FGF7: variants seen among roughly 807,000 people sequenced by gnomAD.
The protein encoded by FGF7 is FGF-7.
In FGF7, 6 loss-of-function variants were observed where a neutral mutation model predicts 20.5. The observed-to-expected ratio is 0.29, with a 90% CI of 0.16 to 0.58. The LOEUF (loss-of-function observed/expected upper bound fraction) is 0.58. FGF7 is among the 20% of genes least tolerant of loss of function. The pLI is 0.90. For missense variants in FGF7, 144 were observed against 228.8 expected (o/e 0.63, Z 2.39); for synonymous variants, 64 against 74.7 (o/e 0.86, Z 0.74).
intron 2 of FGF7, among the ~76,000 whole-genome samples, chr15:49,460,981 T>C (rs1475040432): frequency 2.6e-5 from 4 of 152,224 alleles, no homozygotes; most frequent in African/African-American, 4.8e-5. Flanking sequence ...GGCATCCATG[T>C]AGACCATAAA....
intron 2 of FGF7, among the ~76,000 whole-genome samples, chr15:49,448,521 T>C (rs1403659608): frequency 3.3e-5 from 5 of 151,616 alleles, no homozygotes; most frequent in Non-Finnish European, 7.4e-5. Context: ...ACTCCTAACA[T>C]AAGTTAATCA....
At chr15:49,453,933 C>A (rs542929509) in intron 2 of FGF7, among the ~76,000 whole-genome samples, 1 of 152,260 alleles carries the variant, frequency 6.6e-6, no homozygotes, top group East Asian at 1.9e-4. Flanking sequence ...TTCTAGCTCC[C>A]ATTTTTAATC....
intron 2 of FGF7, among the ~76,000 whole-genome samples, chr15:49,443,627 A>G (rs2051890043): frequency 6.6e-6 from 1 of 151,786 alleles, no homozygotes; most frequent in Non-Finnish European, 1.5e-5. Flanking sequence ...CTAATTCAGC[A>G]AAGAAGTCAC....
rs1010344543 is a variant in FGF7, at chr15:49,424,051, G to A, written c.-247G>A. 1 of 380,698 alleles carries A rather than the reference G, an allele frequency of 2.6e-6. No homozygotes were observed. The highest frequency in any genetic ancestry group is 7.4e-5 in the South Asian group (1 of 13,574). The allele number at this position is 380,698 out of a possible 1,614,324, so 23.6% of individuals were successfully genotyped here. A position where few individuals can be genotyped will look rare whatever the true frequency, so the allele number is the denominator to read the frequency against. On this transcript the variant is annotated 5_prime_UTR_variant, in exon 2 of 4. Transcript: ENST00000267843. Reference sequence around the variant, plus strand: ...AAACAGAAGTCAAATAGCAAACAGCGTCACAGCAACTGAACTTACTACGAA... The same window carrying A: ...AAACAGAAGTCAAATAGCAAACAGCATCACAGCAACTGAACTTACTACGAA...
chr15:49,483,020 G>C (rs544715369), intron 2 of FGF7, 131 bp from the exon 3 acceptor site: 4 of 678,490 alleles, frequency 5.9e-6, no homozygotes, highest in Admixed American at 4.1e-5. Flanking sequence ...AGGGGTCTTG[G>C]GCTGAGTAAA....
chr15:49,469,014 A>G (rs2054505602), intron 2 of FGF7, among the ~76,000 whole-genome samples: 1 of 152,198 alleles, frequency 6.6e-6, no homozygotes, highest in Non-Finnish European at 1.5e-5. Context: ...AAATACAGCT[A>G]CATGTTTTAT....
chr15:49,428,073 G>A (rs926760336), intron 2 of FGF7, among the ~76,000 whole-genome samples: 5 of 151,892 alleles, frequency 3.3e-5, no homozygotes. Context: ...TGTATTAGTA[G>A]ACATATAAAT....
intron 2 of FGF7, among the ~76,000 whole-genome samples, chr15:49,458,872 T>C (rs1325712143): frequency 6.6e-6 from 1 of 152,182 alleles, no homozygotes; most frequent in Admixed American, 6.6e-5. Context: ...CTATTTTTTC[T>C]AGACTGACCA....
rs1283786898 is a variant in FGF7, at chr15:49,424,276, AC to A, written c.-21del. 1 of 1,594,150 alleles carries A rather than the reference AC, an allele frequency of 6.3e-7. No homozygotes were observed. The highest frequency in any genetic ancestry group is 1.7e-4 in the Middle Eastern group (1 of 5,968). ...TTCATTTTCATTATGTTATTCATGAACACCCGGAGCACTACACTATAATGCA... is the reference window on the plus strand; with the variant it reads ...TTCATTTTCATTATGTTATTCATGAAACCCGGAGCACTACACTATAATGCA... On this transcript the variant is annotated 5_prime_UTR_variant, in exon 2 of 4. Transcript: ENST00000267843.
intron 2 of FGF7, among the ~76,000 whole-genome samples, chr15:49,461,932 G>GGCCGAAGCAGGCAGATTACTT (rs1158695778): frequency 2.0e-5 from 3 of 152,178 alleles, no homozygotes; most frequent in African/African-American, 7.2e-5. Flanking sequence ...CACTTTGGGA[G>GGCCGAAGCAGGCAGATTACTT]GCCGAAGCAG....
chr15:49,485,983 C>T lies in FGF7; in HGVS notation c.*1479C>T, dbSNP rs1174237360. ...TAAGGGGCCCTGAATGTCATGAAGGCTTGAGGTCAGCCTACAGATAACAGG... is the reference window on the plus strand; with the variant it reads ...TAAGGGGCCCTGAATGTCATGAAGGTTTGAGGTCAGCCTACAGATAACAGG... On this transcript the variant is annotated 3_prime_UTR_variant, in exon 4 of 4. Coordinates refer to ENST00000267843, the MANE Select transcript of FGF7 (RefSeq NM_002009.4). 6.6e-6 allele frequency: 1 copy of T among 151,932 alleles called. No homozygotes were observed. The highest frequency in any genetic ancestry group is 1.5e-5 in the Non-Finnish European group (1 of 67,932). The allele number at this position is 151,932 out of a possible 1,614,324, so 9.4% of individuals were successfully genotyped here.
At chr15:49,424,687 T>A (rs2049976028) in intron 2 of FGF7, 104 bp downstream of exon 2, 9 of 883,242 alleles carry the variant, frequency 1.0e-5, no homozygotes, top group Non-Finnish European at 1.3e-5. Flanking sequence ...GGAAAAAAAA[T>A]TAAATAAAAT....
At chr15:49,483,295 A>G (rs748847406) in intron 3 of FGF7, 41 bp downstream of exon 3, 2 of 1,016,798 alleles carry the variant, frequency 2.0e-6, no homozygotes, top group Admixed American at 1.8e-5. Flanking sequence ...TTTAAAACTC[A>G]TTTTTGTCAA....
At chr15:49,432,498 C>A (rs1290369012) in intron 2 of FGF7, among the ~76,000 whole-genome samples, 3 of 151,666 alleles carry the variant, frequency 2.0e-5, no homozygotes, top group Admixed American at 6.6e-5. Context: ...TAACACTCCT[C>A]CTCTCCCTCA....
intron 2 of FGF7, among the ~76,000 whole-genome samples, chr15:49,456,245 C>T (rs1018162071): frequency 3.3e-5 from 5 of 151,932 alleles, no homozygotes; most frequent in East Asian, 1.9e-4. Context: ...TGAATTATTA[C>T]CCCAGTTCCC....
At chr15:49,444,707 CG>C (rs1044106750) in intron 2 of FGF7, among the ~76,000 whole-genome samples, 165 of 151,676 alleles carry the variant, frequency 1.1e-3, no homozygotes, top group African/African-American at 3.9e-3. Context: ...GCATATGTTC[CG>C]GGGTCTGTCT....
At chr15:49,427,239 TAAC>T (rs931957786) in intron 2 of FGF7, among the ~76,000 whole-genome samples, 1 of 152,008 alleles carries the variant, frequency 6.6e-6, no homozygotes, top group African/African-American at 2.4e-5. Context: ...TTGTTTAAAA[TAAC>T]AAGAATGGAA....
intron 1 of FGF7, 107 bp from the exon 2 acceptor site, chr15:49,423,925 C>G (rs534319642): frequency 2.8e-5 from 5 of 177,698 alleles, no homozygotes; most frequent in Non-Finnish European, 5.9e-5. Flanking sequence ...CAAAGAATAA[C>G]CTATACTGTA....
chr15:49,472,020 GA>G (rs35262082), intron 2 of FGF7, among the ~76,000 whole-genome samples: 105,309 of 144,038 alleles, frequency 0.73, 39,062 homozygotes, highest in African/African-American at 0.88. Flanking sequence ...CTTTAGAAGT[GA>G]AAAAAAAAAA....
Sources: allele counts gnomAD v4.1 joint callset (sites outside exome capture counted in the v4.1 genomes callset), GRCh38; gene constraint gnomAD v4.1.1; transcripts MANE v1.5; gene names NCBI Gene and HGNC (gene_info 2026-07-23, HGNC 2026-07-21).